TGFBR3: variants seen among roughly 807,000 people sequenced by gnomAD.
TGFBR3 encodes the protein transforming growth factor beta receptor type 3.
A neutral mutation model predicts 87.9 loss-of-function variants in TGFBR3; 46 were observed. The ratio of observed to expected loss-of-function variants is 0.52; its 90% CI spans 0.41 to 0.67. The LOEUF (loss-of-function observed/expected upper bound fraction) is 0.67. TGFBR3 is among the 30% of genes least tolerant of loss of function. The probability of loss-of-function intolerance (pLI) is 0.00; values close to 1 mark genes in which losing one functional copy is unlikely to be tolerated. For missense variants in TGFBR3, 866 were observed against 1,041.9 expected (o/e 0.83, Z 2.32); for synonymous variants, 381 against 391.6 (o/e 0.97, Z 0.32).
chr1:91,691,562 C>T (rs1292374926), intron 16 of TGFBR3, among the ~76,000 whole-genome samples: 1 of 152,204 alleles, frequency 6.6e-6, no homozygotes, highest in Non-Finnish European at 1.5e-5. Flanking sequence ...AGGATATTTT[C>T]AGACATGCAA....
intron 1 of TGFBR3, among the ~76,000 whole-genome samples, chr1:91,865,821 A>C (rs1678375062): frequency 6.6e-6 from 1 of 152,046 alleles, no homozygotes; most frequent in African/African-American, 2.4e-5. Flanking sequence ...CTGAGACAGA[A>C]GAATGGCGTG....
At chr1:91,858,822 G>A (rs767945923) in intron 2 of TGFBR3, among the ~76,000 whole-genome samples, 4 of 151,960 alleles carry the variant, frequency 2.6e-5, no homozygotes, top group Admixed American at 6.6e-5. Flanking sequence ...TTCAGAGGCT[G>A]AAGGGGGTGG....
chr1:91,735,798 T>A (rs1205027202), intron 4 of TGFBR3, among the ~76,000 whole-genome samples: 1 of 152,232 alleles, frequency 6.6e-6, no homozygotes, highest in African/African-American at 2.4e-5. Context: ...AAAATATGTA[T>A]GCCATTTTTG....
intron 2 of TGFBR3, among the ~76,000 whole-genome samples, chr1:91,808,297 A>C (rs1006305173): frequency 2.6e-5 from 4 of 152,112 alleles, no homozygotes; most frequent in Non-Finnish European, 5.9e-5. Flanking sequence ...TAAACTATGC[A>C]CAGTATTAGA....
chr1:91,797,609 A>C, intron 2 of TGFBR3, 138 bp from the exon 3 acceptor site: 1 of 844,622 alleles, frequency 1.2e-6, no homozygotes, highest in Non-Finnish European at 2.0e-6. Flanking sequence ...AGTGGCCAAA[A>C]AGCTAGCCTA....
At chr1:91,823,930 G>A (rs1676541591) in intron 2 of TGFBR3, among the ~76,000 whole-genome samples, 1 of 152,144 alleles carries the variant, frequency 6.6e-6, no homozygotes, top group African/African-American at 2.4e-5. Context: ...AGGAGTTTGG[G>A]ACCAGCCTAG....
chr1:91,750,114 C>T (rs779618572), intron 4 of TGFBR3, among the ~76,000 whole-genome samples: 1 of 152,184 alleles, frequency 6.6e-6, no homozygotes, highest in Non-Finnish European at 1.5e-5. Context: ...GCAACCCATG[C>T]CTGCACACAG....
intron 12 of TGFBR3, among the ~76,000 whole-genome samples, chr1:91,714,326 A>G (rs1672085966): frequency 6.6e-6 from 1 of 152,212 alleles, no homozygotes; most frequent in Non-Finnish European, 1.5e-5. Context: ...TAGATTTAAA[A>G]TTTTGGGTTA....
chr1:91,766,321 C>G (rs1674185489), intron 3 of TGFBR3: 1 of 151,674 alleles, frequency 6.6e-6, no homozygotes, highest in Admixed American at 6.6e-5. Flanking sequence ...CAGGTGTGAG[C>G]CACACAGTAC....
At chr1:91,864,470 G>A (rs1678310424) in intron 1 of TGFBR3, among the ~76,000 whole-genome samples, 1 of 152,260 alleles carries the variant, frequency 6.6e-6, no homozygotes, top group Admixed American at 6.5e-5. Context: ...TCCTGGACAA[G>A]TTGAAACTAC....
chr1:91,835,827 C>CAAA lies in TGFBR3; in HGVS notation c.61+25641_61+25643dup, dbSNP rs57326419. ...TGGGTGACAGAGCGAGACTCCACCT[C>CAAA]AAAAAAAAAAAAAAAAAAAAAAAAA... On this transcript the variant is annotated intron_variant, in intron 2 of 16. Transcript: ENST00000212355. Among the ~76,000 whole-genome samples, 607 of 74,662 alleles carry CAAA rather than the reference C, an allele frequency of 8.1e-3. 105 individuals carry two copies. The highest frequency in any genetic ancestry group is 0.019 in the African/African-American group (467 of 24,046). 49.0% of individuals were successfully genotyped at this position (74,662 alleles called of 152,430 possible). A position where few individuals can be genotyped will look rare whatever the true frequency, so the allele number is the denominator to read the frequency against.
chr1:91,829,809 T>A (rs1571552220), intron 2 of TGFBR3: 1 of 152,166 alleles, frequency 6.6e-6, no homozygotes, highest in East Asian at 1.9e-4. Flanking sequence ...CAGGCTGGAA[T>A]ACAGTGTCTA....
intron 1 of TGFBR3, among the ~76,000 whole-genome samples, chr1:91,879,404 C>T (rs1678986257): frequency 1.3e-5 from 2 of 152,138 alleles, no homozygotes; most frequent in Admixed American, 1.3e-4. Flanking sequence ...AGACATTAGG[C>T]TCCCTGCCCT....
chr1:91,850,356 T>C (rs1677679617), intron 2 of TGFBR3, among the ~76,000 whole-genome samples: 1 of 152,214 alleles, frequency 6.6e-6, no homozygotes, highest in South Asian at 2.1e-4. Flanking sequence ...GCATTTTGCT[T>C]CACCATGTAG....
intron 4 of TGFBR3, among the ~76,000 whole-genome samples, chr1:91,737,036 C>G (rs921846449): frequency 6.6e-6 from 1 of 152,178 alleles, no homozygotes; most frequent in African/African-American, 2.4e-5. Context: ...AGAGCGATGC[C>G]GTGATGAAGC....
chr1:91,845,109 T>C (rs7555476), intron 2 of TGFBR3, among the ~76,000 whole-genome samples: 49,029 of 152,064 alleles, frequency 0.32, 8,121 homozygotes, highest in Non-Finnish European at 0.36. Flanking sequence ...CCAAGTTGAG[T>C]AATAAACAGA....
rs144157166 is a variant in TGFBR3, at chr1:91,898,287, A to G, written c.-114+1350T>C. ...GTGTGTGCATTTAAAAAGACAGAAC[A>G]TGAAGATGCTATTAGTATGAATGTG... On this transcript the variant is annotated intron_variant, in intron 2 of 17. Transcript: ENST00000370399. Among the ~76,000 whole-genome samples, 530 of 152,300 alleles carry G rather than the reference A, an allele frequency of 3.5e-3. 3 individuals are homozygous for G. Among genetic ancestry groups the G allele is most frequent in the Admixed American group, 0.01 (158 of 15,290 alleles).
intron 3 of TGFBR3, among the ~76,000 whole-genome samples, chr1:91,780,011 C>T (rs1345967740): frequency 6.6e-6 from 1 of 152,164 alleles, no homozygotes; most frequent in African/African-American, 2.4e-5. Flanking sequence ...TGCATGGTCA[C>T]ACAGTCTTCC....
intron 1 of TGFBR3, among the ~76,000 whole-genome samples, chr1:91,902,841 G>T (rs568980345): frequency 2.4e-3 from 362 of 152,036 alleles, no homozygotes; most frequent in Non-Finnish European, 4.0e-3. Flanking sequence ...CTTAGTTTAG[G>T]AAAGGAGACA....
Sources: allele counts gnomAD v4.1 joint callset (sites outside exome capture counted in the v4.1 genomes callset), GRCh38; gene constraint gnomAD v4.1.1; transcripts MANE v1.5; gene names NCBI Gene and HGNC (gene_info 2026-07-23, HGNC 2026-07-21).